Variants in MIPEP observed in about 807,000 individuals in gnomAD.
MIPEP encodes mitochondrial intermediate peptidase.
In MIPEP, 79 loss-of-function variants were observed where a neutral mutation model predicts 90.3. That is an observed-to-expected ratio of 0.87 (90% CI 0.73 to 1.05). MIPEP has a LOEUF of 1.05. Among genes scored for constraint, MIPEP ranks in the 50% least tolerant of loss-of-function variants. The pLI, the probability that MIPEP is intolerant of heterozygous loss-of-function variation, is 0.00. For missense variants in MIPEP, 940 were observed against 905.6 expected (o/e 1.04, Z -0.49); for synonymous variants, 334 against 315.8 (o/e 1.06, Z -0.61).
At chr13:23,880,687 C>T (rs1439931822) in intron 3 of MIPEP, among the ~76,000 whole-genome samples, 2 of 152,216 alleles carry the variant, frequency 1.3e-5, no homozygotes, top group East Asian at 3.8e-4. Flanking sequence ...CTGCACTCTG[C>T]AGGGCCCCGT....
At chr13:23,875,946 G>A (rs959699982) in intron 4 of MIPEP, among the ~76,000 whole-genome samples, 2 of 151,910 alleles carry the variant, frequency 1.3e-5, no homozygotes, top group Non-Finnish European at 2.9e-5. Context: ...GTCTTTAAAC[G>A]TTCTTCAAAA....
intron 16 of MIPEP, among the ~76,000 whole-genome samples, chr13:23,798,715 G>T (rs902067734): frequency 6.6e-6 from 1 of 152,004 alleles, no homozygotes; most frequent in Non-Finnish European, 1.5e-5. Flanking sequence ...AAAAGTATGT[G>T]GCACCTACCC....
At chr13:23,859,317 A>C (rs1294923886) in intron 9 of MIPEP, among the ~76,000 whole-genome samples, 2 of 152,232 alleles carry the variant, frequency 1.3e-5, no homozygotes, top group African/African-American at 2.4e-5. Flanking sequence ...TTCTAAATCT[A>C]AGCAAGAAGC....
chr13:23,837,445 C>A, intron 13 of MIPEP, 107 bp downstream of exon 13: 1 of 855,558 alleles, frequency 1.2e-6, no homozygotes, highest in Non-Finnish European at 1.9e-6. Flanking sequence ...GACCACAGGA[C>A]ACGGTAAAAT....
intron 4 of MIPEP, among the ~76,000 whole-genome samples, chr13:23,878,821 T>A (rs887110440): frequency 5.3e-5 from 8 of 152,326 alleles, no homozygotes; most frequent in African/African-American, 1.7e-4. Flanking sequence ...TCTGATAGTA[T>A]CAATTATGGA....
At chr13:23,792,314 T>C (rs1312136829) in intron 16 of MIPEP, among the ~76,000 whole-genome samples, 1 of 152,214 alleles carries the variant, frequency 6.6e-6, no homozygotes, top group Non-Finnish European at 1.5e-5. Context: ...TTCTGGTTTG[T>C]TTAGTAGACG....
chr13:23,775,688 C>T (rs1023515410), intron 16 of MIPEP, among the ~76,000 whole-genome samples: 5 of 152,014 alleles, frequency 3.3e-5, no homozygotes, highest in African/African-American at 1.2e-4. Context: ...GCAGCAGCTA[C>T]CAGAAATAAA....
At chr13:23,846,823 C>T (rs960658726) in intron 10 of MIPEP, among the ~76,000 whole-genome samples, 2 of 26,312 alleles carry the variant, frequency 7.6e-5, no homozygotes, top group African/African-American at 2.2e-4. Flanking sequence ...ACTATCACTA[C>T]CAAATGATGA....
At chr13:23,873,141 C>T (rs1270617947) in intron 5 of MIPEP, among the ~76,000 whole-genome samples, 5 of 152,152 alleles carry the variant, frequency 3.3e-5, no homozygotes, top group Non-Finnish European at 4.4e-5. Context: ...CGCAATGTGG[C>T]GTGAGGATGA....
chr13:23,781,389 C>G (rs889511927), intron 16 of MIPEP, among the ~76,000 whole-genome samples: 1 of 152,158 alleles, frequency 6.6e-6, no homozygotes, highest in African/African-American at 2.4e-5. Context: ...AAATACTTTA[C>G]AGACAAGCAA....
At chr13:23,787,282 C>T (rs1298214081) in intron 16 of MIPEP, among the ~76,000 whole-genome samples, 1 of 152,096 alleles carries the variant, frequency 6.6e-6, no homozygotes, top group African/African-American at 2.4e-5. Context: ...TGCAAGAATC[C>T]AGGCACCAGC....
chr13:23,822,568 A>G (rs1203364126), intron 14 of MIPEP, among the ~76,000 whole-genome samples: 1 of 152,196 alleles, frequency 6.6e-6, no homozygotes, highest in Non-Finnish European at 1.5e-5. Context: ...ACAATCAGCC[A>G]TTGCTGTGTG....
At chr13:23,779,488 T>C (rs1029141226) in intron 16 of MIPEP, among the ~76,000 whole-genome samples, 8 of 152,048 alleles carry the variant, frequency 5.3e-5, no homozygotes, top group African/African-American at 1.9e-4. Flanking sequence ...AGTTCCAAGA[T>C]GGACGAATAG....
intron 2 of MIPEP, 46 bp from the exon 3 acceptor site, chr13:23,881,833 C>T (rs1871283488): frequency 6.8e-7 from 1 of 1,463,508 alleles, no homozygotes; most frequent in Non-Finnish European, 9.5e-7. Flanking sequence ...TGATGAGAAG[C>T]TTTCTTCCAG....
chr13:23,832,586 T>G (rs963718308), intron 14 of MIPEP, among the ~76,000 whole-genome samples: 6 of 152,068 alleles, frequency 3.9e-5, no homozygotes, highest in South Asian at 2.1e-4. Context: ...CTGTGCTAAT[T>G]TGGAGCAACG....
intron 16 of MIPEP, among the ~76,000 whole-genome samples, chr13:23,792,630 T>C (rs1387669370): frequency 6.6e-6 from 1 of 152,226 alleles, no homozygotes; most frequent in Non-Finnish European, 1.5e-5. Context: ...AGTGCTAGGA[T>C]TACAGGTGTG....
At chr13:23,736,601 G>A (rs1280154319) in intron 18 of MIPEP, among the ~76,000 whole-genome samples, 2 of 152,096 alleles carry the variant, frequency 1.3e-5, no homozygotes. Flanking sequence ...AAAACGGCAG[G>A]GTTTCCAAAC....
intron 4 of MIPEP, among the ~76,000 whole-genome samples, chr13:23,875,717 T>C (rs1593205832): frequency 6.6e-6 from 1 of 152,192 alleles, no homozygotes; most frequent in East Asian, 1.9e-4. Flanking sequence ...TATTACACAA[T>C]ATAGGTCTAT....
chr13:23,777,578 T>A (rs535117411), intron 16 of MIPEP, among the ~76,000 whole-genome samples: 1 of 152,264 alleles, frequency 6.6e-6, no homozygotes, highest in African/African-American at 2.4e-5. Flanking sequence ...GGAAGCTGGG[T>A]GAAAGGTACT....
Sources: gnomAD v4.1 joint callset for allele counts (sites outside exome capture counted in the v4.1 genomes callset) on GRCh38, gnomAD v4.1.1 for gene constraint, MANE v1.5 for transcripts, NCBI Gene and HGNC (gene_info 2026-07-23, HGNC 2026-07-21) for gene names.